Variants in POU4F2 observed in about 807,000 individuals in gnomAD.
POU4F2 encodes POU class 4 homeobox 2.
POU4F2 carries 10 observed loss-of-function variants against 21.5 expected under a neutral mutation model. The ratio of observed to expected loss-of-function variants is 0.46; its 90% CI spans 0.29 to 0.79. POU4F2 has a LOEUF of 0.79. Ranked by LOEUF, POU4F2 falls within the 30% of genes least tolerant of loss-of-function variation. The probability of loss-of-function intolerance (pLI) is 0.10; values close to 1 mark genes in which losing one functional copy is unlikely to be tolerated. For synonymous variants in POU4F2, 324 were observed against 271.1 expected (o/e 1.20, Z -1.92); for missense variants, 623 against 603.3 (o/e 1.03, Z -0.34).
At position 146,640,454 on chromosome 4, in the gene POU4F2, C is replaced by G; in HGVS notation, c.876C>G (p.Gly292=). The change falls in exon 2 of 2, where the codon GGC becomes GGG. Residue 292 remains glycine, a synonymous_variant. Coordinates refer to ENST00000281321, the MANE Select transcript of POU4F2 (RefSeq NM_004575.3). The surrounding 1 kb of genome is among the most constrained non-coding windows in gnomAD (Gnocchi z 4.8). The part of the protein sequence containing the change: ...ALANLKIPGV[G]SLSQSTICRF... ...CCAACCTCAAGATCCCCGGCGTGGG[C>G]TCGCTTAGCCAGAGCACCATCTGCA... The G allele has an allele frequency of 1.2e-6, 2 of 1,613,808 alleles. No homozygotes were observed. Among genetic ancestry groups the G allele is most frequent in the Non-Finnish European group, 1.7e-6 (2 of 1,180,008 alleles).
In POU4F2 at chr4:146,640,340, C is replaced by A; in HGVS notation, c.762C>A (p.Asp254Glu). The change falls in exon 2 of 2, where the codon GAC (aspartate) becomes GAA (glutamate). Residue 254 changes from aspartate (D) to glutamate (E), a missense_variant. By Grantham distance (45) the Asp-to-Glu change is conservative. Transcript: ENST00000281321. The surrounding 1 kb of genome is among the most constrained non-coding windows in gnomAD (Gnocchi z 4.8). ...HMGCMSDVDA[D>E]PRDLEAFAER... ...GCTGCATGAGCGACGTGGACGCCGA[C>A]CCGCGGGACCTGGAGGCATTCGCCG... is the stretch of plus-strand genomic sequence containing the variant. 2 of 1,583,120 alleles carry A rather than the reference C, an allele frequency of 1.3e-6. No homozygotes were observed. The highest frequency in any genetic ancestry group is 1.7e-6 in the Non-Finnish European group (2 of 1,168,202).
chr4:146,640,380 C>G lies in POU4F2; in HGVS notation c.802C>G (p.Arg268Gly). 1 of 1,603,536 alleles carries G rather than the reference C, an allele frequency of 6.2e-7. No individual in the cohort carries two copies. Residue 268 changes from arginine (R) to glycine (G), a missense_variant, in exon 2 of 2, where the codon CGA becomes GGA. Arg to Gly is a moderately radical substitution (Grantham distance 125, BLOSUM62 -2). Coordinates refer to ENST00000281321, the MANE Select transcript of POU4F2 (RefSeq NM_004575.3). The surrounding 1 kb of genome is among the most constrained non-coding windows in gnomAD (Gnocchi z 4.8). ...LEAFAERFKQRRIKLGVTQAD... is the reference protein window; with the variant it reads ...LEAFAERFKQGRIKLGVTQAD... ...GGCATTCGCCGAGCGCTTCAAGCAG[C>G]GACGCATCAAGCTGGGGGTGACCCA...
chr4:146,640,839 TTCCTCGTCCGCTCTTTTCTC>T lies in POU4F2; in HGVS notation c.*37_*56del. The T allele has an allele frequency of 3.3e-6, 5 of 1,534,286 alleles. No individual in the cohort carries two copies. Among genetic ancestry groups the T allele is most frequent in the Non-Finnish European group, 3.5e-6 (4 of 1,142,572 alleles). On this transcript the variant is annotated 3_prime_UTR_variant, in exon 2 of 2. Coordinates refer to ENST00000281321, the MANE Select transcript of POU4F2 (RefSeq NM_004575.3). The surrounding 1 kb of genome is among the most constrained non-coding windows in gnomAD (Gnocchi z 4.8). The stretch of plus-strand genomic sequence containing the variant: ...TCTTGGCCTCTCCAGAGACGCCCCT[TTCCTCGTCCGCTCTTTTCTC>T]TCCTCTCTTCTGCCTCTTTTCACTT...
In POU4F2 at chr4:146,639,882, G is replaced by A. The variant is rs1579459645; in HGVS notation, c.304G>A (p.Gly102Arg). ...LPTPPSNIFG[G>R]LDESLLARAE... is the part of the protein sequence containing the mutation. The stretch of plus-strand genomic sequence containing the variant: ...ACAATTGCAGAGCAATATATTCGGC[G>A]GGCTGGATGAGAGTCTGCTGGCCCG... The change falls in exon 2 of 2, where the codon GGG (glycine) becomes AGG (arginine). Residue 102 changes from glycine to arginine, a missense_variant. Transcript: ENST00000281321. 1.9e-6 allele frequency: 3 copies of A among 1,543,648 alleles called. No individual in the cohort carries two copies. Among genetic ancestry groups the A allele is most frequent in the South Asian group, 1.3e-5 (1 of 79,856 alleles).
rs139670347 is a variant in POU4F2, at chr4:146,641,546, G to T, written c.*738G>T. 6.6e-6 allele frequency: 1 copy of T among 152,352 alleles called. No homozygotes were observed. 9.4% of individuals were successfully genotyped at this position (152,352 alleles called of 1,614,324 possible). ...CATTCTAATTAATTAAACTTCTTCC[G>T]TCTAAAAAAAGTGGGGGAAATGTAT... On this transcript the variant is annotated 3_prime_UTR_variant, in exon 2 of 2. Transcript: ENST00000281321.
chr4:146,641,792 C>G lies in POU4F2; in HGVS notation c.*984C>G, dbSNP rs768739276. ...TCACTGTCTGAAGTATTGTTTACTT[C>G]GTTACATATTTAATGGGGATTCCCA... is the stretch of plus-strand genomic sequence containing the variant. On this transcript the variant is annotated 3_prime_UTR_variant, in exon 2 of 2. Coordinates refer to ENST00000281321, the MANE Select transcript of POU4F2 (RefSeq NM_004575.3). The G allele has an allele frequency of 1.3e-5, 2 of 152,254 alleles. No individual in the cohort carries two copies. Among genetic ancestry groups the G allele is most frequent in the Non-Finnish European group, 2.9e-5 (2 of 67,988 alleles). The allele number at this position is 152,254 out of a possible 1,614,324, so 9.4% of individuals were successfully genotyped here.
At position 146,640,570 on chromosome 4, in the gene POU4F2, G is replaced by A. The variant is rs867084774; in HGVS notation, c.992G>A (p.Arg331His). ...CTCGAGGAGGCCGAGAAGTCCCACC[G>A]CGAGAAGCTCACCAAGCCTGAACTC... ...AWLEEAEKSH[R>H]EKLTKPELFN... Residue 331 changes from arginine to histidine, a missense_variant, in exon 2 of 2, where the codon CGC (arginine) becomes CAC (histidine). Arg to His is a conservative substitution (Grantham distance 29). Coordinates refer to ENST00000281321, the MANE Select transcript of POU4F2 (RefSeq NM_004575.3). This position sits in a 1 kb window ranked among gnomAD's most constrained non-coding sequence, Gnocchi z 4.8. 8.7e-6 allele frequency: 14 copies of A among 1,613,674 alleles called. No homozygotes were observed. Among genetic ancestry groups the A allele is most frequent in the Non-Finnish European group, 1.2e-5 (14 of 1,179,788 alleles).
chr4:146,640,860 T>C lies in POU4F2; in HGVS notation c.*52T>C. The C allele has an allele frequency of 6.7e-7, 1 of 1,495,608 alleles. No homozygotes were observed. Among genetic ancestry groups the C allele is most frequent in the Non-Finnish European group, 9.0e-7 (1 of 1,116,930 alleles). 92.6% of individuals were successfully genotyped at this position (1,495,608 alleles called of 1,614,324 possible). A position where few individuals can be genotyped will look rare whatever the true frequency, so the allele number is the denominator to read the frequency against. ...CCCTTTCCTCGTCCGCTCTTTTCTC[T>C]CCTCTCTTCTGCCTCTTTTCACTTT... On this transcript the variant is annotated 3_prime_UTR_variant, in exon 2 of 2. Transcript: ENST00000281321. This position sits in a 1 kb window ranked among gnomAD's most constrained non-coding sequence, Gnocchi z 4.8.
Position 146,640,286 on chromosome 4 carries a change from C to A in POU4F2, c.708C>A (p.Ala236=). 1 of 1,564,858 alleles carries A rather than the reference C, an allele frequency of 6.4e-7. No individual in the cohort carries two copies. Among genetic ancestry groups the A allele is most frequent in the Non-Finnish European group, 8.6e-7 (1 of 1,159,174 alleles). The change falls in exon 2 of 2, where the codon GCC becomes GCA. Residue 236 remains alanine, a synonymous_variant. Coordinates refer to ENST00000281321, the MANE Select transcript of POU4F2 (RefSeq NM_004575.3). This position sits in a 1 kb window ranked among gnomAD's most constrained non-coding sequence, Gnocchi z 4.8. The part of the protein sequence containing the change: ...NPMHQAALSM[A]HAHGLPSHMG... ...TGCACCAAGCAGCGCTCAGCATGGC[C>A]CACGCGCACGGGCTGCCGTCGCACA...
chr4:146,639,950 G>A lies in POU4F2; in HGVS notation c.372G>A (p.Lys124=), dbSNP rs763913135. ...CCGTGGACATCGTCTCCCAGAGCAA[G>A]AGCCACCACCACCATCCACCCCACC... ...LAAVDIVSQS[K]SHHHHPPHHS... The change falls in exon 2 of 2, where the codon AAG becomes AAA. Residue 124 remains lysine, a synonymous_variant. Coordinates refer to ENST00000281321, the MANE Select transcript of POU4F2 (RefSeq NM_004575.3). The A allele has an allele frequency of 1.2e-6, 2 of 1,608,300 alleles. No homozygotes were observed. Among genetic ancestry groups the A allele is most frequent in the Non-Finnish European group, 1.7e-6 (2 of 1,176,986 alleles).
Position 146,640,680 on chromosome 4 carries a change from C to G in POU4F2, c.1102C>G (p.Pro368Ala). 2.5e-6 allele frequency: 4 copies of G among 1,614,252 alleles called. No individual in the cohort carries two copies. The highest frequency in any genetic ancestry group is 3.4e-6 in the Non-Finnish European group (4 of 1,180,054). The change falls in exon 2 of 2, where the codon CCT (proline) becomes GCT (alanine). Residue 368 changes from proline (P) to alanine (A), a missense_variant. Physicochemically the swap from Pro to Ala is conservative, Grantham distance 27 (BLOSUM62 -1). Around this residue, in one of 3 missense-constraint regions of POU4F2, gnomAD observed 523 missense variants for 504.1 expected, o/e 1.04. Coordinates refer to ENST00000281321, the MANE Select transcript of POU4F2 (RefSeq NM_004575.3). This position sits in a 1 kb window ranked among gnomAD's most constrained non-coding sequence, Gnocchi z 4.8. ...GCTCGAAGCCTACTTTGCCATTCAG[C>G]CTCGGCCCTCCTCTGAAAAGATCGC... The part of the protein sequence containing the change: ...RSLEAYFAIQ[P>A]RPSSEKIAAI...
chr4:146,639,196 G>T lies in POU4F2; in HGVS notation c.56G>T (p.Ser19Ile). The T allele has an allele frequency of 1.9e-6, 3 of 1,607,156 alleles. No individual in the cohort carries two copies. Among genetic ancestry groups the T allele is most frequent in the East Asian group, 2.3e-5 (1 of 44,062 alleles). ...KQAFSMPHGG[S>I]LHVEPKYSAL... is the part of the protein sequence containing the mutation. ...GCGTTTAGCATGCCGCACGGCGGCA[G>T]CCTGCACGTGGAGCCCAAGTACTCG... The change falls in exon 1 of 2, where the codon AGC (serine) becomes ATC (isoleucine). Residue 19 changes from serine to isoleucine, a missense_variant. Coordinates refer to ENST00000281321, the MANE Select transcript of POU4F2 (RefSeq NM_004575.3).
Position 146,640,671 on chromosome 4 carries a change from G to A in POU4F2, c.1093G>A (p.Ala365Thr), listed in dbSNP as rs180935169. 6.2e-7 allele frequency: 1 copy of A among 1,614,258 alleles called. No individual in the cohort carries two copies. The highest frequency in any genetic ancestry group is 1.1e-5 in the South Asian group (1 of 91,086). Residue 365 changes from alanine to threonine, a missense_variant, in exon 2 of 2, where the codon GCC becomes ACC. By Grantham distance (58) the Ala-to-Thr change is moderately conservative. Transcript: ENST00000281321. The surrounding 1 kb of genome is among the most constrained non-coding windows in gnomAD (Gnocchi z 4.8). ...PEKRSLEAYFAIQPRPSSEKI... is the reference protein window; with the variant it reads ...PEKRSLEAYFTIQPRPSSEKI... Reference sequence around the variant, plus strand: ...GAAGCGCTCGCTCGAAGCCTACTTTGCCATTCAGCCTCGGCCCTCCTCTGA... The same window carrying A: ...GAAGCGCTCGCTCGAAGCCTACTTTACCATTCAGCCTCGGCCCTCCTCTGA...
rs1439462400 is a variant in POU4F2, at chr4:146,642,096, T to C, written c.*1288T>C. 6.5e-6 allele frequency: 1 copy of C among 152,690 alleles called. No individual in the cohort carries two copies. The highest frequency in any genetic ancestry group is 2.4e-5 in the African/African-American group (1 of 41,472). The allele number at this position is 152,690 out of a possible 1,614,324, so 9.5% of individuals were successfully genotyped here. A position where few individuals can be genotyped will look rare whatever the true frequency, so the allele number is the denominator to read the frequency against. ...GAGGTTTGTTTGTAGAAAAACTAATTTGAACTATAAGAAAGACAGTGCACT... is the reference window on the plus strand; with the variant it reads ...GAGGTTTGTTTGTAGAAAAACTAATCTGAACTATAAGAAAGACAGTGCACT... On this transcript the variant is annotated 3_prime_UTR_variant, in exon 2 of 2. Coordinates refer to ENST00000281321, the MANE Select transcript of POU4F2 (RefSeq NM_004575.3).
In POU4F2 at chr4:146,641,479, G is replaced by A. The variant is rs1056206744; in HGVS notation, c.*671G>A. 1 of 152,486 alleles carries A rather than the reference G, an allele frequency of 6.6e-6. No homozygotes were observed. Among genetic ancestry groups the A allele is most frequent in the Admixed American group, 6.5e-5 (1 of 15,274 alleles). The allele number at this position is 152,486 out of a possible 1,614,324, so 9.4% of individuals were successfully genotyped here. On this transcript the variant is annotated 3_prime_UTR_variant, in exon 2 of 2. Transcript: ENST00000281321. ...TTAGATTATTGCAGAACAACCCTCT[G>A]TAAATTATTAATTTATCTCTCTAGC...
In POU4F2 at chr4:146,639,074, C is replaced by A; in HGVS notation, c.-67C>A. 1.3e-6 allele frequency: 2 copies of A among 1,550,666 alleles called. No homozygotes were observed. The highest frequency in any genetic ancestry group is 1.2e-5 in the South Asian group (1 of 82,626). On this transcript the variant is annotated 5_prime_UTR_variant, in exon 1 of 2. Coordinates refer to ENST00000281321, the MANE Select transcript of POU4F2 (RefSeq NM_004575.3). ...TCCAGCCCCGGCTGGCCCGGCACTT[C>A]TCGGAGGGTCCCGGCAGCCGGGACC...
In POU4F2 at chr4:146,638,983, G is replaced by C. The variant is rs1404104098; in HGVS notation, c.-158G>C. 3.4e-6 allele frequency: 3 copies of C among 892,256 alleles called. No individual in the cohort carries two copies. Among genetic ancestry groups the C allele is most frequent in the African/African-American group, 3.6e-5 (2 of 55,640 alleles). 55.3% of individuals were successfully genotyped at this position (892,256 alleles called of 1,614,324 possible). Reference sequence around the variant, plus strand: ...AGAGGCGGCGAAGGAGCGCGTAGCCGAGATCAGGCGTACAGAGTCCGGAGG... The same window carrying C: ...AGAGGCGGCGAAGGAGCGCGTAGCCCAGATCAGGCGTACAGAGTCCGGAGG... On this transcript the variant is annotated 5_prime_UTR_variant, in exon 1 of 2. Coordinates refer to ENST00000281321, the MANE Select transcript of POU4F2 (RefSeq NM_004575.3).
Position 146,639,220 on chromosome 4 carries a change from C to G in POU4F2, c.80C>G (p.Ser27Trp). 2 of 1,603,316 alleles carry G rather than the reference C, an allele frequency of 1.2e-6. No individual in the cohort carries two copies. Among genetic ancestry groups the G allele is most frequent in the Admixed American group, 1.7e-5 (1 of 58,994 alleles). Reference sequence around the variant, plus strand: ...AGCCTGCACGTGGAGCCCAAGTACTCGGCACTGCACAGCACCTCGCCGGGC... The same window carrying G: ...AGCCTGCACGTGGAGCCCAAGTACTGGGCACTGCACAGCACCTCGCCGGGC... ...GGSLHVEPKY[S>W]ALHSTSPGSS... The change falls in exon 1 of 2, where the codon TCG becomes TGG. Residue 27 changes from serine to tryptophan, a missense_variant. Ser to Trp is a radical substitution (Grantham distance 177, BLOSUM62 -3). Around this residue, in one of 3 missense-constraint regions of POU4F2, gnomAD observed 94 missense variants for 74.1 expected, o/e 1.27. Coordinates refer to ENST00000281321, the MANE Select transcript of POU4F2 (RefSeq NM_004575.3).
chr4:146,639,270 G>GCCAGCTCCC lies in POU4F2; in HGVS notation c.136_144dup (p.Pro47_Ser49dup), dbSNP rs1553998582. The stretch of plus-strand genomic sequence containing the variant: ...CTCCTCGGCTCCCATCGCGCCCTCG[G>GCCAGCTCCC]CCAGCTCCCCCAGCAGCTCGAGCAA... On this transcript the variant is annotated inframe_insertion, in exon 1 of 2. Transcript: ENST00000281321. 6.4e-7 allele frequency: 1 copy of GCCAGCTCCC among 1,571,228 alleles called. No homozygotes were observed. Among genetic ancestry groups the GCCAGCTCCC allele is most frequent in the Non-Finnish European group, 8.6e-7 (1 of 1,162,610 alleles).
Sources: gnomAD v4.1 joint callset for allele counts on GRCh38, gnomAD v4.1.1 for gene constraint, gnomAD v4.1.1 regional missense constraint, Gnocchi (gnomAD v3.1) non-coding constraint, MANE v1.5 for transcripts, NCBI Gene and HGNC (gene_info 2026-07-23, HGNC 2026-07-21) for gene names.